ARID3A: variants seen among roughly 807,000 people sequenced by gnomAD.
ARID3A encodes the protein AT-rich interaction domain 3A, also known as AT-rich interactive domain-containing protein 3A.
A neutral mutation model predicts 52.7 loss-of-function variants in ARID3A; 11 were observed. The observed-to-expected ratio is 0.21, with a 90% CI of 0.13 to 0.35. ARID3A has a LOEUF of 0.35. Among genes scored for constraint, ARID3A ranks in the 10% least tolerant of loss-of-function variants. The pLI is 1.00. For synonymous variants in ARID3A, 404 were observed against 359.4 expected, an observed-to-expected ratio of 1.12 and a Z score of -1.40; for missense variants, 721 against 838.5, an observed-to-expected ratio of 0.86 and a Z score of 1.73.
Position 941,932 on chromosome 19 carries a change from T to C in ARID3A, c.693+9190T>C, listed in dbSNP as rs2037564732. 1.3e-5 allele frequency among the ~76,000 whole-genome samples: 2 copies of C among 152,098 alleles called. No homozygotes were observed. The highest frequency in any genetic ancestry group is 2.9e-5 in the Non-Finnish European group (2 of 68,014). On this transcript the variant is annotated intron_variant, in intron 3 of 8. Coordinates refer to ENST00000263620, the MANE Select transcript of ARID3A (RefSeq NM_005224.3). The surrounding 1 kb of genome is among the most constrained non-coding windows in gnomAD (Gnocchi z 6.9). ...GCCCGTGACAGACGACCTTCCTGTG[T>C]GCCTGAGCATTTGGGAGCCTCGTGC...
intron 1 of ARID3A, among the ~76,000 whole-genome samples, chr19:927,933 CAG>C (rs1051921891): frequency 1.2e-4 from 6 of 48,044 alleles, no homozygotes; most frequent in Admixed American, 4.8e-4. Context: ...CCGAAAGACT[CAG>C]GGGTCTGGGT....
At chr19:928,410 TG>T (rs1263561014) in intron 1 of ARID3A, 1 of 152,044 alleles carries the variant, frequency 6.6e-6, no homozygotes, top group Non-Finnish European at 1.5e-5. Context: ...CACTCTAGGC[TG>T]GGTGAGTGTG....
At chr19:935,127 G>A (rs547118445) in intron 3 of ARID3A, among the ~76,000 whole-genome samples, 5 of 152,304 alleles carry the variant, frequency 3.3e-5, no homozygotes, top group Non-Finnish European at 7.3e-5. Context: ...CCCGCTGGCC[G>A]GCCGCTTGGC....
rs1177936959 is a variant in ARID3A, at chr19:947,656, C to T, written c.694-12436C>T. Among the ~76,000 whole-genome samples, 1 of 152,238 alleles carries T rather than the reference C, an allele frequency of 6.6e-6. No homozygotes were observed. The highest frequency in any genetic ancestry group is 6.5e-5 in the Admixed American group (1 of 15,278). On this transcript the variant is annotated intron_variant, in intron 3 of 8. Transcript: ENST00000263620. This position sits in a 1 kb window ranked among gnomAD's most constrained non-coding sequence, Gnocchi z 6.3. Reference sequence around the variant, plus strand: ...TGGCGTCAGCAAGCTCCCCCGGAATCTCGTGATCTGGAAATCCACAGAGAA... The same window carrying T: ...TGGCGTCAGCAAGCTCCCCCGGAATTTCGTGATCTGGAAATCCACAGAGAA...
At chr19:952,705 T>C (rs2037827360) in intron 3 of ARID3A, among the ~76,000 whole-genome samples, 1 of 152,138 alleles carries the variant, frequency 6.6e-6, no homozygotes, top group Non-Finnish European at 1.5e-5. Context: ...CGTGGCCTCA[T>C]CCCCAGGTGG....
At chr19:935,973 G>A (rs561168719) in intron 3 of ARID3A, among the ~76,000 whole-genome samples, 1 of 151,608 alleles carries the variant, frequency 6.6e-6, no homozygotes, top group East Asian at 2.0e-4. Flanking sequence ...TGTATTTTTA[G>A]TAGAGACAAG....
intron 3 of ARID3A, among the ~76,000 whole-genome samples, chr19:955,290 G>C (rs758036180): frequency 2.0e-5 from 3 of 152,186 alleles, no homozygotes; most frequent in Non-Finnish European, 4.4e-5. Context: ...CCGGGGGCCA[G>C]AGACCCATAA....
At chr19:927,048 C>T (rs936497645) in intron 1 of ARID3A, among the ~76,000 whole-genome samples, 1 of 152,132 alleles carries the variant, frequency 6.6e-6, no homozygotes, top group Non-Finnish European at 1.5e-5. Context: ...CCCCGCCCCT[C>T]CCCCTCCTCT....
intron 3 of ARID3A, among the ~76,000 whole-genome samples, chr19:952,765 G>A (rs1359417205): frequency 2.0e-5 from 3 of 152,168 alleles, no homozygotes; most frequent in East Asian, 1.9e-4. Flanking sequence ...GGCCTGGGGG[G>A]CAAAGGTTCT....
chr19:971,930 A>AGGG lies in ARID3A; in HGVS notation c.1649_1650insGGG (p.Gly556dup), dbSNP rs1366843031. 4 of 1,591,440 alleles carry AGGG rather than the reference A, an allele frequency of 2.5e-6. No homozygotes were observed. Among genetic ancestry groups the AGGG allele is most frequent in the African/African-American group, 2.8e-5 (2 of 71,992 alleles). Reference sequence around the variant, plus strand: ...CCACGCCAACCTCTGCTCCCAACAAAGGAGGCGGCGGCGGCGGCGGCAGCA... The same window carrying AGGG: ...CCACGCCAACCTCTGCTCCCAACAAAGGGGGAGGCGGCGGCGGCGGCGGCAGCA... On this transcript the variant is annotated inframe_insertion, in exon 9 of 9. Coordinates refer to ENST00000263620, the MANE Select transcript of ARID3A (RefSeq NM_005224.3).
rs2038367553 is a variant in ARID3A, at chr19:975,873, A to T, written c.*3808A>T. On this transcript the variant is annotated 3_prime_UTR_variant, in exon 9 of 9. Coordinates refer to ENST00000263620, the MANE Select transcript of ARID3A (RefSeq NM_005224.3). Reference sequence around the variant, plus strand: ...TTAAACTTCAGAAATATTTAAGACGATTGTAACCCTGTAAAGCTGATGAGA... The same window carrying T: ...TTAAACTTCAGAAATATTTAAGACGTTTGTAACCCTGTAAAGCTGATGAGA... 1 of 184,322 alleles carries T rather than the reference A, an allele frequency of 5.4e-6. No homozygotes were observed. The highest frequency in any genetic ancestry group is 1.2e-5 in the Non-Finnish European group (1 of 86,948). The allele number at this position is 184,322 out of a possible 1,614,324, so 11.4% of individuals were successfully genotyped here. A position where few individuals can be genotyped will look rare whatever the true frequency, so the allele number is the denominator to read the frequency against.
At chr19:928,340 C>G (rs996244028) in intron 1 of ARID3A, 6 of 152,016 alleles carry the variant, frequency 3.9e-5, no homozygotes, top group Non-Finnish European at 7.4e-5. Flanking sequence ...CGGGTGGGAC[C>G]CAGGCCCCAG....
rs1253752108 is a variant in ARID3A, at chr19:972,234, T to C, written c.*169T>C. 4.7e-6 allele frequency: 1 copy of C among 213,292 alleles called. No individual in the cohort carries two copies. The highest frequency in any genetic ancestry group is 9.3e-6 in the Non-Finnish European group (1 of 107,014). The allele number at this position is 213,292 out of a possible 1,614,324, so 13.2% of individuals were successfully genotyped here. A position where few individuals can be genotyped will look rare whatever the true frequency, so the allele number is the denominator to read the frequency against. On this transcript the variant is annotated 3_prime_UTR_variant, in exon 9 of 9. Coordinates refer to ENST00000263620, the MANE Select transcript of ARID3A (RefSeq NM_005224.3). The stretch of plus-strand genomic sequence containing the variant: ...AGAAAAGAAAAAAGATATATATATA[T>C]ATATATATATATACACGTATATATA...
intron 3 of ARID3A, among the ~76,000 whole-genome samples, chr19:943,739 C>G (rs2037608852): frequency 6.6e-6 from 1 of 152,232 alleles, no homozygotes; most frequent in African/African-American, 2.4e-5. Context: ...CAGTGACACG[C>G]TGATGTCAGA....
chr19:958,876 C>G (rs893256419), intron 3 of ARID3A, among the ~76,000 whole-genome samples: 1 of 151,508 alleles, frequency 6.6e-6, no homozygotes, highest in African/African-American at 2.4e-5. Flanking sequence ...CTGGGGACAG[C>G]GAGACTCCGT....
In ARID3A at chr19:973,827, G is replaced by C; in HGVS notation, c.*1762G>C. 1 of 230,406 alleles carries C rather than the reference G, an allele frequency of 4.3e-6. No homozygotes were observed. The highest frequency in any genetic ancestry group is 8.6e-6 in the Non-Finnish European group (1 of 116,266). 14.3% of individuals were successfully genotyped at this position (230,406 alleles called of 1,614,324 possible). A position where few individuals can be genotyped will look rare whatever the true frequency, so the allele number is the denominator to read the frequency against. On this transcript the variant is annotated 3_prime_UTR_variant, in exon 9 of 9. Coordinates refer to ENST00000263620, the MANE Select transcript of ARID3A (RefSeq NM_005224.3). ...GCTTGGAGAAAGTGGGGTCACCGCAGCTGAGCTGGGGGGTTATTTTGGCTG... is the reference window on the plus strand; with the variant it reads ...GCTTGGAGAAAGTGGGGTCACCGCACCTGAGCTGGGGGGTTATTTTGGCTG...
At chr19:963,023 G>A (rs932103459) in intron 4 of ARID3A, among the ~76,000 whole-genome samples, 8 of 152,214 alleles carry the variant, frequency 5.3e-5, no homozygotes, top group Non-Finnish European at 1.0e-4. Flanking sequence ...TTCACTGGGG[G>A]TTTTGCAACC....
Position 941,160 on chromosome 19 carries a change from C to G in ARID3A, c.693+8418C>G, listed in dbSNP as rs114481623. ...CTTTCTAATAACACACGCGGCAGCC[C>G]GAGGGAGCGGTGCCCGCAGGCAGAG... On this transcript the variant is annotated intron_variant, in intron 3 of 8. Transcript: ENST00000263620. This position sits in a 1 kb window ranked among gnomAD's most constrained non-coding sequence, Gnocchi z 6.9. 2.6e-5 allele frequency among the ~76,000 whole-genome samples: 4 copies of G among 152,164 alleles called. No individual in the cohort carries two copies. The highest frequency in any genetic ancestry group is 5.9e-5 in the Non-Finnish European group (4 of 68,012).
At chr19:928,618 C>A in intron 1 of ARID3A, 1 of 152,370 alleles carries the variant, frequency 6.6e-6, no homozygotes. Context: ...TGGGACCGCC[C>A]TGGTGCCCCC....
Sources: gnomAD v4.1 joint callset for allele counts (sites outside exome capture counted in the v4.1 genomes callset) on GRCh38, gnomAD v4.1.1 for gene constraint, Gnocchi (gnomAD v3.1) non-coding constraint, MANE v1.5 for transcripts, NCBI Gene and HGNC (gene_info 2026-07-23, HGNC 2026-07-21) for gene names.